SLX4IP: variants seen among roughly 807,000 people sequenced by gnomAD.
SLX4IP encodes SLX4 interacting protein, also known as protein SLX4IP.
SLX4IP carries 34 observed loss-of-function variants against 32.9 expected under a neutral mutation model. That is an observed-to-expected ratio of 1.03 (90% CI 0.79 to 1.38). The LOEUF (loss-of-function observed/expected upper bound fraction) is 1.38, where lower values mean the gene tolerates loss of function less well. SLX4IP is among the 40% of genes most tolerant of loss of function. SLX4IP has a pLI of 0.00. For synonymous variants in SLX4IP, 172 were observed against 171.7 expected (o/e 1.00, Z -0.01); for missense variants, 444 against 479.0 (o/e 0.93, Z 0.68).
intron 1 of SLX4IP, among the ~76,000 whole-genome samples, chr20:10,446,710 A>G (rs977305348): frequency 6.6e-6 from 1 of 152,034 alleles, no homozygotes; most frequent in Non-Finnish European, 1.5e-5. Context: ...ACATTTTCCC[A>G]TGGCTAATGA....
At chr20:10,535,243 G>T (rs628473) in intron 2 of SLX4IP, among the ~76,000 whole-genome samples, 87,977 of 151,914 alleles carry the variant, frequency 0.58, 25,971 homozygotes, top group South Asian at 0.72. Flanking sequence ...GAAGTGTTGA[G>T]GTCTCAGAAT....
chr20:10,459,532 C>G (rs1010350408), intron 2 of SLX4IP, among the ~76,000 whole-genome samples: 24 of 152,162 alleles, frequency 1.6e-4, no homozygotes, highest in African/African-American at 5.8e-4. Context: ...TTTAAAGATG[C>G]TTTTTGGTCA....
chr20:10,445,316 T>C (rs543075633), intron 1 of SLX4IP, among the ~76,000 whole-genome samples: 60 of 144,012 alleles, frequency 4.2e-4, no homozygotes, highest in African/African-American at 1.0e-3. Context: ...TCTTTCTTTT[T>C]TTTTTTTTTT....
chr20:10,500,277 G>A (rs949984155), intron 2 of SLX4IP, among the ~76,000 whole-genome samples: 9 of 151,476 alleles, frequency 5.9e-5, no homozygotes, highest in Admixed American at 1.3e-4. Context: ...ACAGGTGCCC[G>A]CCACCACACC....
chr20:10,519,221 T>C (rs898744278), intron 2 of SLX4IP, among the ~76,000 whole-genome samples: 17 of 152,196 alleles, frequency 1.1e-4, no homozygotes, highest in Non-Finnish European at 2.2e-4. Flanking sequence ...ATAATTCATA[T>C]ACCATAAGAT....
intron 6 of SLX4IP, among the ~76,000 whole-genome samples, chr20:10,620,765 C>T (rs2077687077): frequency 6.6e-6 from 1 of 152,158 alleles, no homozygotes; most frequent in African/African-American, 2.4e-5. Context: ...CCGTGTTAGC[C>T]AGGATGGTCT....
chr20:10,613,975 C>G (rs958577621), intron 6 of SLX4IP: 2 of 1,184,860 alleles, frequency 1.7e-6, no homozygotes, highest in African/African-American at 3.0e-5. Flanking sequence ...TCCACCGTTC[C>G]CTGCTCATCG....
At chr20:10,602,120 A>C (rs2066848735) in intron 6 of SLX4IP, among the ~76,000 whole-genome samples, 1 of 152,258 alleles carries the variant, frequency 6.6e-6, no homozygotes, top group Non-Finnish European at 1.5e-5. Flanking sequence ...GAAATAAAGA[A>C]AAGTCTTTAA....
intron 6 of SLX4IP, chr20:10,614,156 G>A (rs1441815341): frequency 1.2e-5 from 12 of 998,762 alleles, no homozygotes; most frequent in East Asian, 2.6e-5. Flanking sequence ...CGCGTTGCAC[G>A]CCCAGCACCC....
At chr20:10,476,148 G>GTA (rs1372874633) in intron 2 of SLX4IP, among the ~76,000 whole-genome samples, 1 of 151,856 alleles carries the variant, frequency 6.6e-6, no homozygotes, top group East Asian at 1.9e-4. Flanking sequence ...CTCACTGTGT[G>GTA]TGTGTGTGTA....
chr20:10,583,938 G>T (rs941458613), intron 4 of SLX4IP, among the ~76,000 whole-genome samples: 5 of 152,138 alleles, frequency 3.3e-5, no homozygotes, highest in African/African-American at 9.7e-5. Context: ...TAAAACCTGG[G>T]TGTTAGCATA....
chr20:10,560,854 A>T, intron 4 of SLX4IP, 34 bp downstream of exon 4: 2 of 1,538,250 alleles, frequency 1.3e-6, no homozygotes, highest in Non-Finnish European at 1.7e-6. Flanking sequence ...TGGACAAAAA[A>T]TAAATAGAAT....
chr20:10,458,121 T>C, intron 1 of SLX4IP, 55 bp from the exon 2 acceptor site: 1 of 1,152,370 alleles, frequency 8.7e-7, no homozygotes, highest in Admixed American at 2.6e-5. Flanking sequence ...CTGTATAATA[T>C]CCAAATAAAA....
At chr20:10,621,739 C>T (rs1247744117) in intron 7 of SLX4IP, among the ~76,000 whole-genome samples, 2 of 152,066 alleles carry the variant, frequency 1.3e-5, no homozygotes, top group Non-Finnish European at 2.9e-5. Flanking sequence ...ATCCTTGTTC[C>T]GACTTTAATA....
At chr20:10,472,458 C>G (rs554100909) in intron 2 of SLX4IP, among the ~76,000 whole-genome samples, 1 of 152,280 alleles carries the variant, frequency 6.6e-6, no homozygotes, top group South Asian at 2.1e-4. Context: ...TCTTGATCTC[C>G]TGACCTCGTG....
chr20:10,487,150 C>G (rs1461341092), intron 2 of SLX4IP, among the ~76,000 whole-genome samples: 1 of 152,104 alleles, frequency 6.6e-6, no homozygotes, highest in Non-Finnish European at 1.5e-5. Flanking sequence ...ACAAAAACAA[C>G]AACAACAAAA....
At chr20:10,468,990 C>T (rs907552599) in intron 2 of SLX4IP, among the ~76,000 whole-genome samples, 1 of 152,062 alleles carries the variant, frequency 6.6e-6, no homozygotes, top group African/African-American at 2.4e-5. Context: ...GAAGAATTGT[C>T]TTGGGCCACA....
intron 6 of SLX4IP, chr20:10,614,060 C>G (rs1809186460): frequency 6.5e-7 from 1 of 1,534,588 alleles, no homozygotes; most frequent in Admixed American, 1.7e-5. Context: ...GGGTGGCGTC[C>G]TCCTTGTCGC....
intron 1 of SLX4IP, among the ~76,000 whole-genome samples, chr20:10,435,899 T>TA (rs1014806085): frequency 7.2e-5 from 11 of 152,192 alleles, no homozygotes; most frequent in East Asian, 3.9e-4. Context: ...AGGAGTTAGC[T>TA]AAAAAAAATC....
Sources: gnomAD v4.1 joint callset for allele counts (sites outside exome capture counted in the v4.1 genomes callset) on GRCh38, gnomAD v4.1.1 for gene constraint, MANE v1.5 for transcripts, NCBI Gene and HGNC (gene_info 2026-07-23, HGNC 2026-07-21) for gene names.